Variants in ZNF709 observed in about 807,000 individuals in gnomAD.
ZNF709 encodes zinc finger protein 709.
In ZNF709, 15 loss-of-function variants were observed where a neutral mutation model predicts 10.6. That is an observed-to-expected ratio of 1.41 (90% CI 0.95 to 2.18). ZNF709 has a LOEUF of 2.18. Ranked by LOEUF, ZNF709 falls within the 30% of genes most tolerant of loss-of-function variation. ZNF709 has a pLI of 0.00. For missense variants in ZNF709, 589 were observed against 774.0 expected (o/e 0.76, Z 2.84); for synonymous variants, 194 against 238.8 (o/e 0.81, Z 1.73).
chr19:12,469,248 T>C (rs149317553), intron 1 of ZNF709, among the ~76,000 whole-genome samples: 17 of 152,350 alleles, frequency 1.1e-4, no homozygotes, highest in African/African-American at 2.9e-4. Context: ...AACAACATCC[T>C]GCTGGCCATG....
intron 1 of ZNF709, among the ~76,000 whole-genome samples, chr19:12,480,900 C>T (rs1239436619): frequency 6.6e-6 from 1 of 151,938 alleles, no homozygotes; most frequent in Admixed American, 6.6e-5. Flanking sequence ...CCATCTCAGC[C>T]TCCTGAGTAG....
In ZNF709 at chr19:12,465,003, G is replaced by T. The variant is rs776541778; in HGVS notation, c.919C>A (p.Pro307Thr). 1 of 1,608,974 alleles carries T rather than the reference G, an allele frequency of 6.2e-7. No homozygotes were observed. Among genetic ancestry groups the T allele is most frequent in the South Asian group, 1.1e-5 (1 of 90,006 alleles). Residue 307 changes from proline (P) to threonine (T), a missense_variant, in exon 4 of 4, where the codon CCC becomes ACC. Pro to Thr is a conservative substitution (Grantham distance 38). Transcript: ENST00000397732. ...SHERIHTGEKPYKCKKCGKAF... is the reference protein window; with the variant it reads ...SHERIHTGEKTYKCKKCGKAF... ...TTCCCACATTTTTTACATTTATAGG[G>T]TTTTTCTCCAGTGTGAATCCTTTCA...
chr19:12,479,160 G>C (rs1485063076), intron 1 of ZNF709, among the ~76,000 whole-genome samples: 1 of 152,066 alleles, frequency 6.6e-6, no homozygotes, highest in Non-Finnish European at 1.5e-5. Context: ...AAAATTAGCT[G>C]GGAGTGGCAG....
At chr19:12,479,854 G>A (rs1970708277) in intron 1 of ZNF709, among the ~76,000 whole-genome samples, 1 of 152,040 alleles carries the variant, frequency 6.6e-6, no homozygotes, top group Non-Finnish European at 1.5e-5. Flanking sequence ...TGGTGACAGA[G>A]TGAGACTCTG....
intron 1 of ZNF709, chr19:12,481,208 A>C: frequency 1.0e-6 from 1 of 983,742 alleles, no homozygotes; most frequent in Non-Finnish European, 1.2e-6. Context: ...AAAAGAAACA[A>C]ATATTCTGTT....
rs1190343956 is a variant in ZNF709 at position 12,462,710 on chromosome 19, T to C, written c.*1286A>G. On this transcript the variant is annotated 3_prime_UTR_variant, in exon 4 of 4. Coordinates refer to ENST00000397732, the MANE Select transcript of ZNF709 (RefSeq NM_152601.4). ...TCTAGTACCTGCCACATAAGGCCAG[T>C]AGGAAATCCTAAAAATTACCAAATT... is the stretch of plus-strand genomic sequence containing the variant. 2 of 152,184 alleles carry C rather than the reference T, an allele frequency of 1.3e-5. No homozygotes were observed. Among genetic ancestry groups the C allele is most frequent in the African/African-American group, 4.8e-5 (2 of 41,450 alleles). 9.4% of individuals were successfully genotyped at this position (152,184 alleles called of 1,614,324 possible).
chr19:12,478,695 G>A (rs1408176259), intron 1 of ZNF709, among the ~76,000 whole-genome samples: 2 of 152,224 alleles, frequency 1.3e-5, no homozygotes, highest in African/African-American at 4.8e-5. Context: ...TGCCCAAGCA[G>A]GTGTGACATA....
At chr19:12,481,234 CTTTT>C in intron 1 of ZNF709, 1 of 964,250 alleles carries the variant, frequency 1.0e-6, no homozygotes. Flanking sequence ...CCAGAGTTTT[CTTTT>C]TTTTTGTTTT....
Position 12,463,856 on chromosome 19 carries a change from G to A in ZNF709, c.*140C>T. 1 of 622,864 alleles carries A rather than the reference G, an allele frequency of 1.6e-6. No homozygotes were observed. The highest frequency in any genetic ancestry group is 5.3e-5 in the South Asian group (1 of 18,928). The allele number at this position is 622,864 out of a possible 1,614,324, so 38.6% of individuals were successfully genotyped here. A position where few individuals can be genotyped will look rare whatever the true frequency, so the allele number is the denominator to read the frequency against. On this transcript the variant is annotated 3_prime_UTR_variant, in exon 4 of 4. Coordinates refer to ENST00000397732, the MANE Select transcript of ZNF709 (RefSeq NM_152601.4). ...GCAGGAGAATCGCTTGAACCCAGGA[G>A]ACAGAGGTTGCAGTGAGCTGAGATC...
rs60000717 is a variant in ZNF709, at chr19:12,463,926, CAAAAAAAAAAA to C, written c.*59_*69del. On this transcript the variant is annotated 3_prime_UTR_variant, in exon 4 of 4. Coordinates refer to ENST00000397732, the MANE Select transcript of ZNF709 (RefSeq NM_152601.4). The stretch of plus-strand genomic sequence containing the variant: ...AGGGCAACAGAGTGAGAATTCAACT[CAAAAAAAAAAA>C]AAAAAAAAAAGGAAATAGGACAACT... The C allele has an allele frequency of 2.2e-6, 2 of 914,298 alleles. No individual in the cohort carries two copies. Among genetic ancestry groups the C allele is most frequent in the East Asian group, 3.3e-5 (1 of 30,744 alleles). 56.6% of individuals were successfully genotyped at this position (914,298 alleles called of 1,614,324 possible).
chr19:12,479,519 CAACT>C (rs1970703496), intron 1 of ZNF709, among the ~76,000 whole-genome samples: 1 of 139,448 alleles, frequency 7.2e-6, no homozygotes, highest in African/African-American at 2.7e-5. Flanking sequence ...CATTTTTAAT[CAACT>C]TACTTTTGCT....
intron 1 of ZNF709, among the ~76,000 whole-genome samples, chr19:12,482,142 CACACACACACACAA>C (rs1256064874): frequency 2.2e-4 from 30 of 138,342 alleles, no homozygotes; most frequent in African/African-American, 5.2e-4. Flanking sequence ...CTAAAATACA[CACACACACACACAA>C]ACACACACAC....
At chr19:12,470,511 G>T (rs569511882) in intron 1 of ZNF709, among the ~76,000 whole-genome samples, 1 of 152,220 alleles carries the variant, frequency 6.6e-6, no homozygotes, top group South Asian at 2.1e-4. Flanking sequence ...ATGCCTGAGG[G>T]TATATATTCA....
rs535335320 is a variant in ZNF709, at chr19:12,464,411, T to C, written c.1511A>G (p.Tyr504Cys). The C allele has an allele frequency of 1.9e-6, 3 of 1,613,036 alleles. No individual in the cohort carries two copies. The highest frequency in any genetic ancestry group is 2.5e-6 in the Non-Finnish European group (3 of 1,179,486). Reference protein sequence around the residue: ...HERTHTGEKPYECKQCGKAFS... With the variant: ...HERTHTGEKPCECKQCGKAFS... ...GGCTTTACCACATTGTTTACATTCA[T>C]AGGGTTTCTCTCCAGTGTGAGTCCT... is the stretch of plus-strand genomic sequence containing the variant. The change falls in exon 4 of 4, where the codon TAT becomes TGT. Residue 504 changes from tyrosine to cysteine, a missense_variant. Coordinates refer to ENST00000397732, the MANE Select transcript of ZNF709 (RefSeq NM_152601.4).
Position 12,484,726 on chromosome 19 carries a change from C to T in ZNF709, c.-69G>A, listed in dbSNP as rs1178258053. ...GCGGCCAGCACAGGTCCTACCTCCACCTGAGGCCCTTCCTCCACCTGAGGG... is the reference window on the plus strand; with the variant it reads ...GCGGCCAGCACAGGTCCTACCTCCATCTGAGGCCCTTCCTCCACCTGAGGG... On this transcript the variant is annotated 5_prime_UTR_variant, in exon 1 of 4. The change creates a new upstream start codon in the 5' untranslated region. Coordinates refer to ENST00000397732, the MANE Select transcript of ZNF709 (RefSeq NM_152601.4). 1 of 1,610,114 alleles carries T rather than the reference C, an allele frequency of 6.2e-7. No individual in the cohort carries two copies. The highest frequency in any genetic ancestry group is 8.5e-7 in the Non-Finnish European group (1 of 1,176,766).
In ZNF709 at chr19:12,463,859, A is replaced by G; in HGVS notation, c.*137T>C. Reference sequence around the variant, plus strand: ...GGAGAATCGCTTGAACCCAGGAGACAGAGGTTGCAGTGAGCTGAGATCACT... The same window carrying G: ...GGAGAATCGCTTGAACCCAGGAGACGGAGGTTGCAGTGAGCTGAGATCACT... On this transcript the variant is annotated 3_prime_UTR_variant, in exon 4 of 4. Coordinates refer to ENST00000397732, the MANE Select transcript of ZNF709 (RefSeq NM_152601.4). 1.6e-6 allele frequency: 1 copy of G among 638,812 alleles called. No individual in the cohort carries two copies. The highest frequency in any genetic ancestry group is 2.4e-6 in the Non-Finnish European group (1 of 422,836). The allele number at this position is 638,812 out of a possible 1,614,324, so 39.6% of individuals were successfully genotyped here.
intron 1 of ZNF709, among the ~76,000 whole-genome samples, chr19:12,470,861 AGCTTGCAGTGAGC>A (rs1264687602): frequency 6.6e-6 from 1 of 150,648 alleles, no homozygotes; most frequent in Non-Finnish European, 1.5e-5. Context: ...CGGGAGGCAG[AGCTTGCAGTGAGC>A]CAAGATCATG....
At chr19:12,467,539 C>T (rs1334185562) in intron 1 of ZNF709, among the ~76,000 whole-genome samples, 1 of 152,242 alleles carries the variant, frequency 6.6e-6, no homozygotes, top group Non-Finnish European at 1.5e-5. Flanking sequence ...AGTGCCGAGA[C>T]TGCAGCCTCT....
At chr19:12,468,015 G>T (rs76086637) in intron 1 of ZNF709, among the ~76,000 whole-genome samples, 55,690 of 143,258 alleles carry the variant, frequency 0.39, 12,759 homozygotes, top group Non-Finnish European at 0.5. Flanking sequence ...GCCCCGTCCG[G>T]GAGGGAGGTG....
Sources: allele counts gnomAD v4.1 joint callset (sites outside exome capture counted in the v4.1 genomes callset), GRCh38; gene constraint gnomAD v4.1.1; transcripts MANE v1.5; gene names NCBI Gene and HGNC (gene_info 2026-07-23, HGNC 2026-07-21).